OLFM3: variants seen among roughly 807,000 people sequenced by gnomAD.
OLFM3 encodes noelin-3.
A neutral mutation model predicts 48.6 loss-of-function variants in OLFM3; 20 were observed. The observed-to-expected ratio is 0.41, with a 90% confidence interval of 0.29 to 0.60. OLFM3 has a LOEUF of 0.60. Ranked by LOEUF, OLFM3 falls within the 20% of genes least tolerant of loss-of-function variation. The probability of loss-of-function intolerance (pLI) is 0.28; values close to 1 mark genes in which losing one functional copy is unlikely to be tolerated. For missense variants in OLFM3, 437 were observed against 544.3 expected (o/e 0.80, Z 1.96); for synonymous variants, 222 against 198.1 (o/e 1.12, Z -1.01).
At chr1:101,915,349 T>C (rs907689615) in intron 1 of OLFM3, among the ~76,000 whole-genome samples, 5 of 149,834 alleles carry the variant, frequency 3.3e-5, no homozygotes, top group African/African-American at 7.5e-5. Context: ...TTAATCCTCT[T>C]GGGATTTAAT....
At chr1:101,908,806 G>C (rs960077246) in intron 1 of OLFM3, among the ~76,000 whole-genome samples, 1 of 152,132 alleles carries the variant, frequency 6.6e-6, no homozygotes, top group Admixed American at 6.5e-5. Context: ...GCAGAGATTA[G>C]AGTGATTCTG....
At chr1:101,821,014 G>C in intron 4 of OLFM3, among the ~76,000 whole-genome samples, 1 of 151,996 alleles carries the variant, frequency 6.6e-6, no homozygotes, top group African/African-American at 2.4e-5. Context: ...GAGCAGCATA[G>C]CAACTGGATT....
At chr1:101,953,264 C>G (rs1022313341) in intron 1 of OLFM3, among the ~76,000 whole-genome samples, 2 of 152,058 alleles carry the variant, frequency 1.3e-5, no homozygotes, top group African/African-American at 2.4e-5. Context: ...TACTCTAGGA[C>G]CGAGATGGCA....
At chr1:101,995,845 C>A (rs900111112) in intron 1 of OLFM3, among the ~76,000 whole-genome samples, 1 of 152,094 alleles carries the variant, frequency 6.6e-6, no homozygotes, top group African/African-American at 2.4e-5. Context: ...TAAATTGTAT[C>A]TCTTACTCTT....
At chr1:101,833,443 G>A (rs6665643) in intron 2 of OLFM3, among the ~76,000 whole-genome samples, 140,073 of 152,210 alleles carry the variant, frequency 0.92, 65,315 homozygotes, top group Non-Finnish European at 1. Flanking sequence ...CTGATGACAC[G>A]GGAGACTGAA....
chr1:101,846,504 C>A (rs1655999719), intron 1 of OLFM3, among the ~76,000 whole-genome samples: 1 of 151,662 alleles, frequency 6.6e-6, no homozygotes, highest in African/African-American at 2.4e-5. Context: ...AAGATTTTTA[C>A]AGATATTAAA....
chr1:101,940,341 C>T (rs1368250500), intron 1 of OLFM3, among the ~76,000 whole-genome samples: 3 of 134,666 alleles, frequency 2.2e-5, no homozygotes, highest in Admixed American at 7.7e-5. Context: ...TGTTTTGGAA[C>T]ATTTTTTTTT....
At position 101,802,869 on chromosome 1, in the gene OLFM3, G is replaced by C. The variant is rs942104623; in HGVS notation, c.*1369C>G. On this transcript the variant is annotated 3_prime_UTR_variant, in exon 6 of 6. Transcript: ENST00000370103. ...CCTTAGGGAACTATTTTTTTAATAT[G>C]TGGAAAATACATCCAAACTCAATGA... 6 of 151,276 alleles carry C rather than the reference G, an allele frequency of 4.0e-5. No homozygotes were observed. Among genetic ancestry groups the C allele is most frequent in the Admixed American group, 2.0e-4 (3 of 15,164 alleles). 9.4% of individuals were successfully genotyped at this position (151,276 alleles called of 1,614,324 possible). A position where few individuals can be genotyped will look rare whatever the true frequency, so the allele number is the denominator to read the frequency against.
intron 4 of OLFM3, among the ~76,000 whole-genome samples, chr1:101,815,754 G>A (rs1416788909): frequency 6.6e-6 from 1 of 152,208 alleles, no homozygotes; most frequent in East Asian, 1.9e-4. Context: ...ATAATTCTAA[G>A]TTGTTCATGA....
intron 1 of OLFM3, among the ~76,000 whole-genome samples, chr1:101,890,471 T>G (rs931851476): frequency 2.0e-5 from 3 of 151,996 alleles, no homozygotes; most frequent in African/African-American, 7.2e-5. Flanking sequence ...TTTTTAGACT[T>G]TTCTATAATT....
intron 1 of OLFM3, among the ~76,000 whole-genome samples, chr1:101,970,619 C>T (rs1238885052): frequency 6.6e-6 from 1 of 152,164 alleles, no homozygotes; most frequent in East Asian, 1.9e-4. Context: ...GAAGACAGGG[C>T]TCTGATTCTT....
In OLFM3 at chr1:101,876,371, C is replaced by T. The variant is rs184319605; in HGVS notation, c.70-39346G>A. On this transcript the variant is annotated intron_variant, in intron 1 of 5. Transcript: ENST00000370103. ...GGCAAGTCCAAAAGTGCCTAGGCAA[C>T]GAGCACTCAGAGAAAAGATGGCTAT... 1.2e-3 allele frequency among the ~76,000 whole-genome samples: 187 copies of T among 151,992 alleles called. 2 individuals are homozygous for T. Among genetic ancestry groups the T allele is most frequent in the African/African-American group, 4.1e-3 (172 of 41,500 alleles).
intron 1 of OLFM3, among the ~76,000 whole-genome samples, chr1:101,861,124 C>T (rs1040663620): frequency 6.6e-6 from 1 of 152,000 alleles, no homozygotes; most frequent in African/African-American, 2.4e-5. Context: ...TGCAGTGGTG[C>T]GATCTCGGCT....
chr1:101,956,105 A>T (rs1463856045), intron 1 of OLFM3, among the ~76,000 whole-genome samples: 40 of 80,632 alleles, frequency 5.0e-4, no homozygotes, highest in African/African-American at 2.3e-3. Flanking sequence ...TTTTTTTTTA[A>T]AAAAAACCTT....
chr1:101,823,509 A>T (rs1422449047), intron 4 of OLFM3, among the ~76,000 whole-genome samples: 1 of 151,986 alleles, frequency 6.6e-6, no homozygotes, highest in Non-Finnish European at 1.5e-5. Context: ...CATGACTGGG[A>T]CTTAGTGTGT....
chr1:101,901,171 G>A (rs1372492262), intron 1 of OLFM3, among the ~76,000 whole-genome samples: 2 of 152,000 alleles, frequency 1.3e-5, no homozygotes, highest in Admixed American at 6.6e-5. Context: ...GGTTTTCTAA[G>A]AAGTTTACAT....
intron 1 of OLFM3, among the ~76,000 whole-genome samples, chr1:101,962,244 G>A (rs948423503): frequency 6.6e-6 from 1 of 152,062 alleles, no homozygotes; most frequent in African/African-American, 2.4e-5. Context: ...AAACCTGTAT[G>A]GAGTGTTGCC....
intron 1 of OLFM3, among the ~76,000 whole-genome samples, chr1:101,981,540 G>C (rs755062092): frequency 8.5e-5 from 13 of 152,220 alleles, no homozygotes; most frequent in Non-Finnish European, 1.8e-4. Context: ...CTTAAATACC[G>C]TCTGCACACT....
chr1:101,827,038 G>A (rs1213105508), intron 3 of OLFM3, among the ~76,000 whole-genome samples: 1 of 152,066 alleles, frequency 6.6e-6, no homozygotes, highest in Non-Finnish European at 1.5e-5. Context: ...AAACTTATAT[G>A]AGAGCATTGG....
Sources: allele counts gnomAD v4.1 joint callset (sites outside exome capture counted in the v4.1 genomes callset), GRCh38; gene constraint gnomAD v4.1.1; transcripts MANE v1.5; gene names NCBI Gene and HGNC (gene_info 2026-07-23, HGNC 2026-07-21).